The following NTN1 variants were observed in gnomAD, a reference collection of about 807,000 sequenced individuals.
NTN1 encodes the protein netrin 1, also known as netrin-1.
In NTN1, 11 loss-of-function variants were observed where a neutral mutation model predicts 54.2. The observed-to-expected ratio is 0.20, with a 90% confidence interval of 0.13 to 0.34. The LOEUF (loss-of-function observed/expected upper bound fraction) is 0.34, where lower values mean the gene tolerates loss of function less well. Among genes scored for constraint, NTN1 ranks in the 10% least tolerant of loss-of-function variants. NTN1 has a pLI of 1.00. For missense variants in NTN1, 740 were observed against 893.1 expected, an observed-to-expected ratio of 0.83 and a Z score of 2.18; for synonymous variants, 371 against 382.0, an observed-to-expected ratio of 0.97 and a Z score of 0.33.
intron 2 of NTN1, among the ~76,000 whole-genome samples, chr17:9,075,246 C>T (rs1341090385): frequency 4.6e-5 from 7 of 152,062 alleles, no homozygotes; most frequent in African/African-American, 1.2e-4. Flanking sequence ...TTTGGGAGGC[C>T]GAGGCGGGTG....
intron 2 of NTN1, among the ~76,000 whole-genome samples, chr17:9,123,928 C>T (rs1022807787): frequency 4.6e-5 from 7 of 152,150 alleles, no homozygotes; most frequent in Non-Finnish European, 1.0e-4. Context: ...ACACCGGGAG[C>T]GCTTACTGTC....
At chr17:9,048,328 T>C (rs932415628) in intron 2 of NTN1, among the ~76,000 whole-genome samples, 2 of 142,180 alleles carry the variant, frequency 1.4e-5, no homozygotes, top group Middle Eastern at 7.1e-3. Context: ...TTTTTTTTTT[T>C]CTTTCTGAGC....
chr17:9,063,612 A>G (rs546618710), intron 2 of NTN1, among the ~76,000 whole-genome samples: 2 of 151,970 alleles, frequency 1.3e-5, no homozygotes, highest in Admixed American at 6.6e-5. Context: ...CAGTGGCGCA[A>G]TCTCAGCTCA....
intron 2 of NTN1, among the ~76,000 whole-genome samples, chr17:9,155,895 A>G (rs984189783): frequency 2.0e-5 from 3 of 152,118 alleles, no homozygotes; most frequent in African/African-American, 7.2e-5. Flanking sequence ...AGTCATGATA[A>G]CCAAAAATGT....
chr17:9,086,554 G>T (rs900424437), intron 2 of NTN1, among the ~76,000 whole-genome samples: 1 of 152,120 alleles, frequency 6.6e-6, no homozygotes. Flanking sequence ...GGAAGCAGGA[G>T]GAAGAGGTAC....
rs1305938523 is a variant in NTN1 at position 9,090,183 on chromosome 17, C to CT, written c.1018+66803dup. 8.0e-3 allele frequency among the ~76,000 whole-genome samples: 1,128 copies of CT among 140,600 alleles called. 7 individuals carry two copies. The highest frequency in any genetic ancestry group is 0.012 in the Non-Finnish European group (742 of 64,044). The allele number at this position is 140,600 out of a possible 152,430, so 92.2% of individuals were successfully genotyped here. The stretch of plus-strand genomic sequence containing the variant: ...AACTCATCTTTTTTTTTTTCTTTTT[C>CT]TTTTTTTTTTTGAGATGGAGTCTCA... On this transcript the variant is annotated intron_variant, in intron 2 of 6. Transcript: ENST00000173229.
chr17:9,203,059 C>T (rs555516158), intron 5 of NTN1, among the ~76,000 whole-genome samples: 42 of 152,238 alleles, frequency 2.8e-4, no homozygotes, highest in Admixed American at 5.2e-4. Flanking sequence ...GTAGCTGGGA[C>T]TACAGGCGCT....
intron 5 of NTN1, among the ~76,000 whole-genome samples, chr17:9,207,072 G>A (rs562957065): frequency 3.3e-5 from 5 of 152,234 alleles, no homozygotes; most frequent in African/African-American, 1.2e-4. Context: ...TGGCAGCTGC[G>A]CCCGTTTTTA....
At position 9,036,819 on chromosome 17, in the gene NTN1, T is replaced by G. The variant is rs867941919; in HGVS notation, c.1018+13428T>G. Among the ~76,000 whole-genome samples, 17 of 152,174 alleles carry G rather than the reference T, an allele frequency of 1.1e-4. 1 individual carries two copies. In the South Asian group the frequency reaches 1.4e-3, roughly 13 times the overall value. On this transcript the variant is annotated intron_variant, in intron 2 of 6. Transcript: ENST00000173229. Reference sequence around the variant, plus strand: ...AGAAGCAGCTCTATAACTTGAATGATACATTTTCCAACCCTACCCCTCCAC... The same window carrying G: ...AGAAGCAGCTCTATAACTTGAATGAGACATTTTCCAACCCTACCCCTCCAC...
At chr17:9,169,555 A>G (rs1322888037) in intron 3 of NTN1, among the ~76,000 whole-genome samples, 2 of 152,172 alleles carry the variant, frequency 1.3e-5, no homozygotes, top group African/African-American at 4.8e-5. Flanking sequence ...CTTGTCCCCA[A>G]ATGCCACATA....
At chr17:9,087,088 G>A (rs529607322) in intron 2 of NTN1, among the ~76,000 whole-genome samples, 18 of 152,282 alleles carry the variant, frequency 1.2e-4, no homozygotes, top group African/African-American at 4.3e-4. Flanking sequence ...AGAAAATGAG[G>A]ATCCTAAAGG....
At chr17:9,203,082 T>C (rs865827927) in intron 5 of NTN1, among the ~76,000 whole-genome samples, 37 of 152,224 alleles carry the variant, frequency 2.4e-4, no homozygotes, top group Admixed American at 1.2e-3. Flanking sequence ...CCACCAAGCC[T>C]GGCTAATTTT....
rs1042568401 is a variant in NTN1 at position 9,212,464 on chromosome 17, C to G, written c.1412-8704C>G. Among the ~76,000 whole-genome samples, 10 of 152,232 alleles carry G rather than the reference C, an allele frequency of 6.6e-5. No homozygotes were observed. The highest frequency in any genetic ancestry group is 5.9e-4 in the Admixed American group (9 of 15,288). On this transcript the variant is annotated intron_variant, in intron 5 of 6. Coordinates refer to ENST00000173229, the MANE Select transcript of NTN1 (RefSeq NM_004822.3). This position sits in a 1 kb window ranked among gnomAD's most constrained non-coding sequence, Gnocchi z 5.5. The stretch of plus-strand genomic sequence containing the variant: ...TCCATGCAGCTTTCTGGTTCTAGAT[C>G]AGGCAGCACCAAACATACTTTCTGG...
At chr17:9,006,193 G>C in the NTN1 span, among the ~76,000 whole-genome samples, 1 of 149,636 alleles carries the variant, frequency 6.7e-6, no homozygotes, top group African/African-American at 2.4e-5. Flanking sequence ...GGGTAGTGGG[G>C]GGGACAAGTC....
rs913679843 is a variant in NTN1, at chr17:9,241,046, G to C, written c.*1078G>C. 6.6e-6 allele frequency: 1 copy of C among 152,412 alleles called. No homozygotes were observed. The highest frequency in any genetic ancestry group is 2.4e-5 in the African/African-American group (1 of 41,466). The allele number at this position is 152,412 out of a possible 1,614,324, so 9.4% of individuals were successfully genotyped here. The stretch of plus-strand genomic sequence containing the variant: ...TCAACAGCTGGAAAGGGCCTGAACG[G>C]GCTTGGAGTCTGCAGGCTGCGAAGG... On this transcript the variant is annotated 3_prime_UTR_variant, in exon 7 of 7. Transcript: ENST00000173229.
At chr17:9,124,302 C>T (rs1371375825) in intron 2 of NTN1, among the ~76,000 whole-genome samples, 1 of 152,172 alleles carries the variant, frequency 6.6e-6, no homozygotes, top group Non-Finnish European at 1.5e-5. Context: ...TGGCAGAGGA[C>T]GTGGGGCTTC....
At chr17:9,098,884 T>A (rs558243417) in intron 2 of NTN1, among the ~76,000 whole-genome samples, 154 of 152,278 alleles carry the variant, frequency 1.0e-3, no homozygotes, top group Middle Eastern at 3.4e-3. Flanking sequence ...TTTAAGAAAA[T>A]ATAGAAAAAT....
chr17:9,035,173 C>G (rs1162361887), intron 2 of NTN1, among the ~76,000 whole-genome samples: 1 of 151,924 alleles, frequency 6.6e-6, no homozygotes, highest in Non-Finnish European at 1.5e-5. Flanking sequence ...GTCTCGATCT[C>G]CTGACCTTGT....
intron 2 of NTN1, among the ~76,000 whole-genome samples, chr17:9,091,093 A>C (rs2092109032): frequency 6.6e-6 from 1 of 152,232 alleles, no homozygotes; most frequent in South Asian, 2.1e-4. Flanking sequence ...ACTGCCTACA[A>C]TAACACCTCA....
Sources: gnomAD v4.1 joint callset for allele counts (sites outside exome capture counted in the v4.1 genomes callset) on GRCh38, gnomAD v4.1.1 for gene constraint, Gnocchi (gnomAD v3.1) non-coding constraint, MANE v1.5 for transcripts, NCBI Gene and HGNC (gene_info 2026-07-23, HGNC 2026-07-21) for gene names.